The following GRM5 variants were observed in gnomAD, a reference collection of about 807,000 sequenced individuals.
GRM5 encodes the protein glutamate metabotropic receptor 5.
A neutral mutation model predicts 83.1 loss-of-function variants in GRM5; 19 were observed. The ratio of observed to expected loss-of-function variants is 0.23; its 90% CI spans 0.16 to 0.34. GRM5 has a LOEUF of 0.34. Among genes scored for constraint, GRM5 ranks in the 10% least tolerant of loss-of-function variants. The pLI is 1.00. For synonymous variants in GRM5, 675 were observed against 633.6 expected (o/e 1.07, Z -0.98); for missense variants, 1,160 against 1,588.3 (o/e 0.73, Z 4.58).
At chr11:88,834,197 T>A (rs1271634129) in intron 3 of GRM5, among the ~76,000 whole-genome samples, 1 of 152,152 alleles carries the variant, frequency 6.6e-6, no homozygotes, top group Non-Finnish European at 1.5e-5. Context: ...TGATCATTAC[T>A]CATTCTGACT....
At chr11:88,566,526 T>G (rs1350641088) in intron 8 of GRM5, among the ~76,000 whole-genome samples, 1 of 152,200 alleles carries the variant, frequency 6.6e-6, no homozygotes, top group East Asian at 1.9e-4. Flanking sequence ...ATCTTGCCCA[T>G]TAAGAACTAA....
chr11:88,657,118 T>A (rs1939783743), intron 3 of GRM5, among the ~76,000 whole-genome samples: 1 of 152,188 alleles, frequency 6.6e-6, no homozygotes, highest in African/African-American at 2.4e-5. Context: ...TTAACTAAGA[T>A]GTCTTTAAAC....
At chr11:88,596,101 T>G (rs995111883) in intron 6 of GRM5, among the ~76,000 whole-genome samples, 33 of 152,170 alleles carry the variant, frequency 2.2e-4, no homozygotes, top group Non-Finnish European at 2.9e-4. Context: ...CCATCCCCAT[T>G]TTTCTATTCC....
chr11:88,857,754 T>C (rs1944500070), intron 2 of GRM5, among the ~76,000 whole-genome samples: 1 of 152,122 alleles, frequency 6.6e-6, no homozygotes, highest in Non-Finnish European at 1.5e-5. Flanking sequence ...ACATTGTATA[T>C]ACTTATTTTT....
At chr11:88,555,041 T>C (rs183022468) in intron 8 of GRM5, among the ~76,000 whole-genome samples, 53 of 152,264 alleles carry the variant, frequency 3.5e-4, no homozygotes, top group Non-Finnish European at 6.8e-4. Flanking sequence ...GGAAAGAACA[T>C]GCTGTTTGGA....
intron 2 of GRM5, among the ~76,000 whole-genome samples, chr11:88,987,908 GA>G (rs1405265729): frequency 6.6e-6 from 1 of 150,668 alleles, no homozygotes; most frequent in East Asian, 1.9e-4. Flanking sequence ...CAAAGATGGG[GA>G]AAAAACAGAA....
chr11:88,609,669 C>A (rs1938262271), intron 4 of GRM5, among the ~76,000 whole-genome samples: 1 of 152,072 alleles, frequency 6.6e-6, no homozygotes, highest in African/African-American at 2.4e-5. Context: ...AATATTTTCC[C>A]CAATTCTGTA....
chr11:88,748,118 C>A (rs1942181840), intron 3 of GRM5, among the ~76,000 whole-genome samples: 1 of 152,132 alleles, frequency 6.6e-6, no homozygotes, highest in Non-Finnish European at 1.5e-5. Flanking sequence ...CCACACCTCT[C>A]CCATGGATCT....
intron 4 of GRM5, among the ~76,000 whole-genome samples, chr11:88,649,052 A>T (rs1447817477): frequency 1.4e-5 from 2 of 145,684 alleles, no homozygotes; most frequent in African/African-American, 2.5e-5. Context: ...TATACATAAT[A>T]TATAATATAT....
chr11:88,681,884 A>C (rs1267357465), intron 3 of GRM5, among the ~76,000 whole-genome samples: 1 of 151,362 alleles, frequency 6.6e-6, no homozygotes, highest in South Asian at 2.1e-4. Context: ...TTTGTTATTC[A>C]TGTTGTATAC....
chr11:88,778,411 G>A (rs1414808441), intron 3 of GRM5, among the ~76,000 whole-genome samples: 1 of 152,204 alleles, frequency 6.6e-6, no homozygotes, highest in Non-Finnish European at 1.5e-5. Context: ...GCGCTTCCCA[G>A]GTGAGGTGAT....
chr11:88,973,268 G>T (rs1047671509), intron 2 of GRM5, among the ~76,000 whole-genome samples: 1 of 152,062 alleles, frequency 6.6e-6, no homozygotes, highest in African/African-American at 2.4e-5. Flanking sequence ...AGAATTAAGA[G>T]GTATGGTAGG....
At chr11:88,897,190 A>C (rs1404317577) in intron 2 of GRM5, among the ~76,000 whole-genome samples, 1 of 151,934 alleles carries the variant, frequency 6.6e-6, no homozygotes, top group Non-Finnish European at 1.5e-5. Flanking sequence ...AAGGAAATTC[A>C]AACTCCTCTG....
chr11:88,563,492 C>A (rs759997693), intron 8 of GRM5, among the ~76,000 whole-genome samples: 1 of 152,166 alleles, frequency 6.6e-6, no homozygotes, highest in East Asian at 1.9e-4. Flanking sequence ...GGGACACACA[C>A]GACCCCATCC....
chr11:88,954,589 G>C (rs1938553063), intron 2 of GRM5, among the ~76,000 whole-genome samples: 1 of 152,212 alleles, frequency 6.6e-6, no homozygotes, highest in African/African-American at 2.4e-5. Flanking sequence ...TAAGCTGTTT[G>C]ATACCAGTGG....
At chr11:88,899,606 G>A (rs1945285478) in intron 2 of GRM5, among the ~76,000 whole-genome samples, 1 of 151,744 alleles carries the variant, frequency 6.6e-6, no homozygotes, top group Non-Finnish European at 1.5e-5. Flanking sequence ...ATAACCTACA[G>A]TTTGAAATTT....
chr11:88,939,821 T>C (rs1321106827), intron 2 of GRM5, among the ~76,000 whole-genome samples: 3 of 151,834 alleles, frequency 2.0e-5, no homozygotes, highest in African/African-American at 7.2e-5. Flanking sequence ...TAAGAAGTAG[T>C]AGCTTCCTAG....
intron 4 of GRM5, among the ~76,000 whole-genome samples, chr11:88,634,006 C>T (rs1473724405): frequency 6.6e-6 from 1 of 152,098 alleles, no homozygotes; most frequent in African/African-American, 2.4e-5. Context: ...CAAACCTGTA[C>T]AGCATGTTAC....
At chr11:88,836,536 A>T (rs1344585940) in intron 3 of GRM5, among the ~76,000 whole-genome samples, 1 of 152,202 alleles carries the variant, frequency 6.6e-6, no homozygotes, top group Non-Finnish European at 1.5e-5. Flanking sequence ...GCGGTGGCTT[A>T]TGCCTGTAAT....
Sources: allele counts gnomAD v4.1 joint callset (sites outside exome capture counted in the v4.1 genomes callset), GRCh38; gene constraint gnomAD v4.1.1; transcripts MANE v1.5; gene names NCBI Gene and HGNC (gene_info 2026-07-23, HGNC 2026-07-21).